CSMD1: variants seen among roughly 807,000 people sequenced by gnomAD.
CSMD1 encodes the protein CUB and Sushi multiple domains 1, also known as CUB and sushi domain-containing protein 1.
Under a neutral mutation model 417.5 loss-of-function variants are expected in CSMD1, and 213 were observed. That is an observed-to-expected ratio of 0.51 (90% CI 0.46 to 0.57). The LOEUF is 0.57. CSMD1 is among the 20% of genes least tolerant of loss of function. The pLI, the probability that CSMD1 is intolerant of heterozygous loss-of-function variation, is 0.00. For missense variants in CSMD1, 6,923 were observed against 4,529.7 expected (o/e 1.53, Z -15.17); for synonymous variants, 2,862 against 1,736.8 (o/e 1.65, Z -16.11).
At chr8:3,602,819 A>T (rs957987004) in intron 8 of CSMD1, among the ~76,000 whole-genome samples, 1 of 152,112 alleles carries the variant, frequency 6.6e-6, no homozygotes, top group African/African-American at 2.4e-5. Context: ...GGCATATCTG[A>T]TGATCATGAC....
At chr8:3,046,799 CTT>C (rs1811475626) in intron 50 of CSMD1, among the ~76,000 whole-genome samples, 1 of 152,202 alleles carries the variant, frequency 6.6e-6, no homozygotes, top group Admixed American at 6.5e-5. Flanking sequence ...ATGGCAAATT[CTT>C]TGATACCTCA....
At chr8:4,195,856 C>G (rs566896131) in intron 3 of CSMD1, among the ~76,000 whole-genome samples, 1 of 152,128 alleles carries the variant, frequency 6.6e-6, no homozygotes, top group Admixed American at 6.5e-5. Context: ...ACGCCTTGAT[C>G]ATAGCATGCG....
intron 5 of CSMD1, among the ~76,000 whole-genome samples, chr8:3,965,194 G>C (rs553105942): frequency 6.6e-6 from 1 of 152,252 alleles, no homozygotes; most frequent in East Asian, 1.9e-4. Context: ...AAGACCAGGA[G>C]ACAAGGGCGG....
At chr8:4,821,818 G>C (rs1046515491) in intron 1 of CSMD1, among the ~76,000 whole-genome samples, 1 of 152,066 alleles carries the variant, frequency 6.6e-6, no homozygotes, top group Admixed American at 6.6e-5. Flanking sequence ...CTAAATAAAA[G>C]CCAACAAACT....
chr8:3,281,730 G>C (rs1802753829), intron 26 of CSMD1, among the ~76,000 whole-genome samples: 1 of 152,206 alleles, frequency 6.6e-6, no homozygotes, highest in African/African-American at 2.4e-5. Context: ...GGAAATGACT[G>C]TTGGTGATGT....
chr8:4,943,048 T>C (rs1225686885), intron 1 of CSMD1, among the ~76,000 whole-genome samples: 4 of 152,130 alleles, frequency 2.6e-5, no homozygotes, highest in Admixed American at 6.5e-5. Context: ...AATCAAGAAA[T>C]AGTGAGACAT....
intron 3 of CSMD1, among the ~76,000 whole-genome samples, chr8:4,268,371 A>T (rs1177995218): frequency 6.6e-6 from 1 of 152,178 alleles, no homozygotes; most frequent in African/African-American, 2.4e-5. Flanking sequence ...TTGGATCAAT[A>T]CACTTAGTTA....
chr8:3,562,357 G>T (rs1184239320), intron 10 of CSMD1, among the ~76,000 whole-genome samples: 1 of 73,486 alleles, frequency 1.4e-5, no homozygotes, highest in African/African-American at 6.4e-5. Flanking sequence ...TATTGCTAAT[G>T]GGACACACAC....
At chr8:3,510,633 C>A (rs554276137) in intron 10 of CSMD1, among the ~76,000 whole-genome samples, 1 of 151,624 alleles carries the variant, frequency 6.6e-6, no homozygotes, top group Non-Finnish European at 1.5e-5. Context: ...GAATAACATA[C>A]GATAAAAAAA....
intron 50 of CSMD1, among the ~76,000 whole-genome samples, chr8:3,045,512 A>AT (rs1319641565): frequency 3.9e-5 from 6 of 152,152 alleles, no homozygotes; most frequent in Admixed American, 3.3e-4. Context: ...CTTATTCCTG[A>AT]TTTTTCCAGA....
chr8:4,672,613 C>A (rs1453309791), intron 1 of CSMD1, among the ~76,000 whole-genome samples: 1 of 152,008 alleles, frequency 6.6e-6, no homozygotes, highest in African/African-American at 2.4e-5. Flanking sequence ...GCTACGTATG[C>A]AGAAAAATTA....
chr8:3,760,317 A>G (rs1297497418), intron 5 of CSMD1, among the ~76,000 whole-genome samples: 6 of 152,156 alleles, frequency 3.9e-5, no homozygotes, highest in Admixed American at 3.3e-4. Flanking sequence ...GCAATGCCAA[A>G]TTCATTTCCT....
At chr8:4,441,628 G>A (rs529688151) in intron 2 of CSMD1, among the ~76,000 whole-genome samples, 3 of 151,984 alleles carry the variant, frequency 2.0e-5, no homozygotes, top group African/African-American at 4.8e-5. Context: ...CACCACCTAG[G>A]TATTTAATTT....
At chr8:3,680,123 C>G (rs958191767) in intron 7 of CSMD1, among the ~76,000 whole-genome samples, 4 of 151,870 alleles carry the variant, frequency 2.6e-5, no homozygotes, top group Non-Finnish European at 4.4e-5. Context: ...ACAATTGAAA[C>G]AACTAGAGAA....
At chr8:3,061,137 T>C (rs1812563744) in intron 49 of CSMD1, among the ~76,000 whole-genome samples, 1 of 152,206 alleles carries the variant, frequency 6.6e-6, no homozygotes, top group South Asian at 2.1e-4. Context: ...TATTTGTCTG[T>C]TTGTTTATGA....
chr8:3,661,525 C>T (rs578209873), intron 7 of CSMD1, among the ~76,000 whole-genome samples: 1 of 151,998 alleles, frequency 6.6e-6, no homozygotes, highest in Admixed American at 6.6e-5. Context: ...GAGACTGAGT[C>T]CCACTTTATC....
chr8:4,043,392 A>C (rs1162885244), intron 3 of CSMD1, among the ~76,000 whole-genome samples: 2 of 152,224 alleles, frequency 1.3e-5, no homozygotes, highest in African/African-American at 2.4e-5. Flanking sequence ...CACACCAATA[A>C]ACATAGGAAG....
At chr8:3,270,067 T>TTTTG in intron 26 of CSMD1, among the ~76,000 whole-genome samples, 1 of 139,350 alleles carries the variant, frequency 7.2e-6, no homozygotes, top group East Asian at 2.3e-4. Flanking sequence ...TTTTTTTTTT[T>TTTTG]GAGATGGAGT....
intron 1 of CSMD1, among the ~76,000 whole-genome samples, chr8:4,919,966 C>G (rs1398631770): frequency 2.6e-5 from 4 of 152,184 alleles, no homozygotes; most frequent in Non-Finnish European, 5.9e-5. Flanking sequence ...TGATCTTGGA[C>G]TTCCCAGCCT....
Sources: allele counts gnomAD v4.1 joint callset (sites outside exome capture counted in the v4.1 genomes callset), GRCh38; gene constraint gnomAD v4.1.1; transcripts MANE v1.5; gene names NCBI Gene and HGNC (gene_info 2026-07-23, HGNC 2026-07-21).